The following CACNA1I variants were observed in gnomAD, a reference collection of about 807,000 sequenced individuals.
CACNA1I encodes the protein calcium voltage-gated channel subunit alpha1 I.
Under a neutral mutation model 201.6 loss-of-function variants are expected in CACNA1I, and 74 were observed. The ratio of observed to expected loss-of-function variants is 0.37; its 90% CI spans 0.30 to 0.45. CACNA1I has a LOEUF of 0.45. CACNA1I is among the 20% of genes least tolerant of loss of function. The pLI is 1.00. For missense variants in CACNA1I, 2,346 were observed against 3,138.1 expected (o/e 0.75, Z 6.03); for synonymous variants, 1,431 against 1,345.2 (o/e 1.06, Z -1.40).
chr22:39,636,416 G>A (rs1490422440), intron 5 of CACNA1I, among the ~76,000 whole-genome samples: 1 of 152,356 alleles, frequency 6.6e-6, no homozygotes, highest in East Asian at 1.9e-4. Context: ...GGAAGATGCT[G>A]GGTGATTGCC....
chr22:39,671,860 T>C (rs1935387414), intron 26 of CACNA1I, among the ~76,000 whole-genome samples: 1 of 152,174 alleles, frequency 6.6e-6, no homozygotes, highest in Admixed American at 6.5e-5. Context: ...TAAGATGAAA[T>C]GACTTACTCA....
chr22:39,624,934 C>A (rs1446671374), intron 4 of CACNA1I, among the ~76,000 whole-genome samples: 2 of 127,816 alleles, frequency 1.6e-5, no homozygotes, highest in Non-Finnish European at 3.2e-5. Flanking sequence ...TTTGAGACAG[C>A]ATCTAGCCCT....
At chr22:39,639,913 C>G (rs1340284274) in intron 5 of CACNA1I, among the ~76,000 whole-genome samples, 1 of 152,186 alleles carries the variant, frequency 6.6e-6, no homozygotes, top group African/African-American at 2.4e-5. Context: ...CTGTTTATCT[C>G]TCTCCTTTTT....
chr22:39,659,942 A>G lies in CACNA1I; in HGVS notation c.2604+90A>G, dbSNP rs1322281896. 1 of 1,485,472 alleles carries G rather than the reference A, an allele frequency of 6.7e-7. No individual in the cohort carries two copies. The highest frequency in any genetic ancestry group is 9.3e-7 in the Non-Finnish European group (1 of 1,073,100). 92.0% of individuals were successfully genotyped at this position (1,485,472 alleles called of 1,614,324 possible). A position where few individuals can be genotyped will look rare whatever the true frequency, so the allele number is the denominator to read the frequency against. On this transcript the variant is annotated intron_variant, in intron 14 of 36. Transcript: ENST00000402142. This position sits in a 1 kb window ranked among gnomAD's most constrained non-coding sequence, Gnocchi z 4.3. ...GTGGCCTGGATGGGGGAGGGCTGCA[A>G]TTCAAACTTCTAGCAGGCAACCTAT...
intron 5 of CACNA1I, among the ~76,000 whole-genome samples, chr22:39,636,788 T>A (rs1182926199): frequency 1.3e-5 from 2 of 152,196 alleles, no homozygotes; most frequent in Non-Finnish European, 2.9e-5. Flanking sequence ...AAGTCCTCTT[T>A]TCGGGCTCTC....
In CACNA1I at chr22:39,685,862, G is replaced by C. The variant is rs1935846743; in HGVS notation, c.6129G>C (p.Arg2043=). 3 of 1,474,464 alleles carry C rather than the reference G, an allele frequency of 2.0e-6. No homozygotes were observed. In the African/African-American group the frequency reaches 4.4e-5, roughly 22 times the overall value. The allele number at this position is 1,474,464 out of a possible 1,614,324, so 91.3% of individuals were successfully genotyped here. The change falls in exon 37 of 37, where the codon CGG becomes CGC. Residue 2043 remains arginine, a synonymous_variant. Coordinates refer to ENST00000402142, the MANE Select transcript of CACNA1I (RefSeq NM_021096.4). This position sits in a 1 kb window ranked among gnomAD's most constrained non-coding sequence, Gnocchi z 5.0. Reference sequence around the variant, plus strand: ...GCCTGACCCTGAGCGACAGCCCCCGGCGTGCCCTGGGGCCGCCCGCGCCTG... The same window carrying C: ...GCCTGACCCTGAGCGACAGCCCCCGCCGTGCCCTGGGGCCGCCCGCGCCTG... ...EDSLTLSDSP[R]RALGPPAPAP... is the part of the protein sequence containing the mutation.
At chr22:39,668,237 A>G in intron 23 of CACNA1I, 55 bp from the exon 24 acceptor site, 1 of 1,056,678 alleles carries the variant, frequency 9.5e-7, no homozygotes, top group Non-Finnish European at 1.5e-6. Context: ...GGGTGGCTGC[A>G]GCTGGAGTCA....
chr22:39,649,344 CG>C lies in CACNA1I; in HGVS notation c.1568-156del, dbSNP rs1934581426. On this transcript the variant is annotated intron_variant, in intron 9 of 36. Coordinates refer to ENST00000402142, the MANE Select transcript of CACNA1I (RefSeq NM_021096.4). The surrounding 1 kb of genome is among the most constrained non-coding windows in gnomAD (Gnocchi z 7.3). Reference sequence around the variant, plus strand: ...CAGACAAAGCTCAGAGAGCTGCAGCCGCTTCCCCAGGCACCCCTGACCGCCT... The same window carrying C: ...CAGACAAAGCTCAGAGAGCTGCAGCCCTTCCCCAGGCACCCCTGACCGCCT... Among the ~76,000 whole-genome samples the C allele has an allele frequency of 2.0e-5, 3 of 152,264 alleles. No homozygotes were observed. In the South Asian group the frequency reaches 6.2e-4, roughly 31 times the overall value.
rs548389232 is a variant in CACNA1I, at chr22:39,680,960, C to G, written c.5572C>G (p.Leu1858Val). 4.3e-6 allele frequency: 7 copies of G among 1,611,804 alleles called. No individual in the cohort carries two copies. The African/African-American group carries it at 9.3e-5, about 21-fold the overall frequency. Residue 1858 changes from leucine to valine, a missense_variant, in exon 34 of 37, where the codon CTG becomes GTG. Leu to Val is a conservative substitution (Grantham distance 32, BLOSUM62 1). This residue lies in a region of CACNA1I where 441 missense variants were observed against 555.6 expected (regional missense o/e 0.79). Coordinates refer to ENST00000402142, the MANE Select transcript of CACNA1I (RefSeq NM_021096.4). ...GCTGGCTGAGACGGAGGCCTTCTCCCTGAACTCAGACAGGTCCTCGTCCAT... is the reference window on the plus strand; with the variant it reads ...GCTGGCTGAGACGGAGGCCTTCTCCGTGAACTCAGACAGGTCCTCGTCCAT... ...VQLAETEAFS[L>V]NSDRSSSILL...
chr22:39,641,053 C>T lies in CACNA1I; in HGVS notation c.927C>T (p.Asp309=), dbSNP rs1390185721. ...DVYDFGAGRQ[D]LNASGLCVNW... is the part of the protein sequence containing the mutation. ...ACGACTTTGGGGCGGGGCGCCAGGACCTCAATGCCAGCGGCCTCTGTGTCA... is the reference window on the plus strand; with the variant it reads ...ACGACTTTGGGGCGGGGCGCCAGGATCTCAATGCCAGCGGCCTCTGTGTCA... The change falls in exon 6 of 37, where the codon GAC becomes GAT. Residue 309 remains aspartate, a synonymous_variant. Transcript: ENST00000402142. 1.1e-5 allele frequency: 17 copies of T among 1,613,934 alleles called. No individual in the cohort carries two copies. Among genetic ancestry groups the T allele is most frequent in the East Asian group, 2.2e-5 (1 of 44,890 alleles).
At chr22:39,619,961 GTCCA>G (rs71739421) in intron 4 of CACNA1I, among the ~76,000 whole-genome samples, 8,808 of 129,730 alleles carry the variant, frequency 0.068, 361 homozygotes, top group Middle Eastern at 0.18. Context: ...CCGTCCGTCC[GTCCA>G]TCCATCCATC....
intron 1 of CACNA1I, among the ~76,000 whole-genome samples, chr22:39,575,100 G>A (rs1240079201): frequency 6.6e-6 from 1 of 152,280 alleles, no homozygotes; most frequent in Non-Finnish European, 1.5e-5. Context: ...CCTGGGCCGT[G>A]GGCATGGGCT....
chr22:39,638,615 G>A lies in CACNA1I; in HGVS notation c.741-2252G>A, dbSNP rs182198713. On this transcript the variant is annotated intron_variant, in intron 5 of 36. Transcript: ENST00000402142. ...GGTGAGTGTTTCTTCCTATATATTG[G>A]CCATTTTTTATTTCTTCTGTGAATT... 1.6e-4 allele frequency among the ~76,000 whole-genome samples: 24 copies of A among 151,970 alleles called. 1 individual carries two copies. The highest frequency in any genetic ancestry group is 1.6e-3 in the Admixed American group (24 of 15,278).
intron 3 of CACNA1I, among the ~76,000 whole-genome samples, chr22:39,606,366 A>G (rs1242258042): frequency 6.6e-6 from 1 of 152,160 alleles, no homozygotes; most frequent in African/African-American, 2.4e-5. Flanking sequence ...TGTTGAGTTC[A>G]TCTCACCGTG....
At chr22:39,678,983 G>A (rs1251506054) in intron 31 of CACNA1I, 124 bp from the exon 32 acceptor site, 21 of 715,926 alleles carry the variant, frequency 2.9e-5, no homozygotes, top group Middle Eastern at 3.5e-4. Flanking sequence ...AGGGCAGCCC[G>A]GGGCCATCTC....
chr22:39,659,299 T>C lies in CACNA1I; in HGVS notation c.2331-134T>C, dbSNP rs136850. ...ATGAACCCCTAAGCCTCAGTGTTCA[T>C]CTCTGTAAAATGGGACCAACGCTGC... is the stretch of plus-strand genomic sequence containing the variant. On this transcript the variant is annotated intron_variant, in intron 12 of 36. Coordinates refer to ENST00000402142, the MANE Select transcript of CACNA1I (RefSeq NM_021096.4). This position sits in a 1 kb window ranked among gnomAD's most constrained non-coding sequence, Gnocchi z 4.3. The C allele has an allele frequency of 0.58, 538,008 of 920,906 alleles. 165,159 individuals carry two copies. Among genetic ancestry groups the C allele is most frequent in the East Asian group, 0.99 (37,672 of 37,908 alleles). 57.0% of individuals were successfully genotyped at this position (920,906 alleles called of 1,614,324 possible).
Position 39,688,823 on chromosome 22 carries a change from C to G in CACNA1I, c.*2418C>G, listed in dbSNP as rs1935957076. On this transcript the variant is annotated 3_prime_UTR_variant, in exon 37 of 37. Transcript: ENST00000402142. The surrounding 1 kb of genome is among the most constrained non-coding windows in gnomAD (Gnocchi z 4.8). ...GCATGAGCGAAGGCTCCAGGGTCCA[C>G]AGAGCAGGGAGTGTGGAGAAGGTGG... 1 of 152,470 alleles carries G rather than the reference C, an allele frequency of 6.6e-6. No homozygotes were observed. The highest frequency in any genetic ancestry group is 2.4e-5 in the African/African-American group (1 of 41,466). The allele number at this position is 152,470 out of a possible 1,614,324, so 9.4% of individuals were successfully genotyped here.
intron 24 of CACNA1I, among the ~76,000 whole-genome samples, chr22:39,668,851 AG>A: frequency 6.6e-6 from 1 of 152,236 alleles, no homozygotes; most frequent in South Asian, 2.1e-4. Context: ...TGCCATGACA[AG>A]GGGCAAAAGT....
At position 39,646,978 on chromosome 22, in the gene CACNA1I, A is replaced by G. The variant is rs1934513154; in HGVS notation, c.1462+97A>G. On this transcript the variant is annotated intron_variant, in intron 8 of 36. Transcript: ENST00000402142. The stretch of plus-strand genomic sequence containing the variant: ...GCAGGCCCAGCAGCCTCCAAATTCC[A>G]GGTCTTCACTTCATGCTCAAGTGTT... 2.8e-6 allele frequency: 4 copies of G among 1,429,376 alleles called. No individual in the cohort carries two copies. In the South Asian group the frequency reaches 6.0e-5, roughly 21 times the overall value. The allele number at this position is 1,429,376 out of a possible 1,614,324, so 88.5% of individuals were successfully genotyped here.
Sources: allele counts gnomAD v4.1 joint callset (sites outside exome capture counted in the v4.1 genomes callset), GRCh38; gene constraint gnomAD v4.1.1; regional missense constraint gnomAD v4.1.1; non-coding constraint Gnocchi (gnomAD v3.1); transcripts MANE v1.5; gene names NCBI Gene and HGNC (gene_info 2026-07-23, HGNC 2026-07-21).